Variants in MET observed in about 807,000 individuals in gnomAD.
MET encodes the protein hepatocyte growth factor receptor.
A neutral mutation model predicts 133.1 loss-of-function variants in MET; 48 were observed. The ratio of observed to expected loss-of-function variants is 0.36; its 90% CI spans 0.29 to 0.46. MET has a LOEUF of 0.46. Ranked by LOEUF, MET falls within the 20% of genes least tolerant of loss-of-function variation. The pLI is 1.00. For missense variants in MET, 1,442 were observed against 1,695.9 expected (o/e 0.85, Z 2.63); for synonymous variants, 628 against 616.5 (o/e 1.02, Z -0.28).
intron 5 of MET, among the ~76,000 whole-genome samples, chr7:116,751,676 A>G (rs1280621026): frequency 1.3e-5 from 2 of 152,152 alleles, no homozygotes; most frequent in Non-Finnish European, 2.9e-5. Context: ...CTGATCTCAT[A>G]CTTAAAGAGC....
At chr7:116,730,598 A>T (rs1792965926) in intron 2 of MET, among the ~76,000 whole-genome samples, 1 of 152,186 alleles carries the variant, frequency 6.6e-6, no homozygotes, top group Non-Finnish European at 1.5e-5. Context: ...AAGGGCATGA[A>T]GGAGAAGACT....
intron 1 of MET, among the ~76,000 whole-genome samples, chr7:116,674,203 C>T (rs1216682962): frequency 2.0e-5 from 3 of 152,114 alleles, no homozygotes; most frequent in Non-Finnish European, 4.4e-5. Flanking sequence ...TAGATGTATA[C>T]TACATGCTTT....
chr7:116,770,646 G>GAT (rs1794803296), intron 12 of MET, among the ~76,000 whole-genome samples: 1 of 152,038 alleles, frequency 6.6e-6, no homozygotes, highest in Non-Finnish European at 1.5e-5. Flanking sequence ...GCCTATTCTA[G>GAT]ATATTTCATG....
At chr7:116,766,062 C>G (rs908886592) in intron 11 of MET, among the ~76,000 whole-genome samples, 1 of 152,090 alleles carries the variant, frequency 6.6e-6, no homozygotes, top group Non-Finnish European at 1.5e-5. Flanking sequence ...CTATGCAGTT[C>G]TTTAGAGGGA....
intron 15 of MET, 80 bp downstream of exon 15, chr7:116,775,191 T>A (rs2117033100): frequency 1.5e-6 from 2 of 1,336,912 alleles, no homozygotes; most frequent in Admixed American, 1.8e-5. Context: ...GATTAGGAAC[T>A]TAGACAATGG....
chr7:116,743,975 G>A (rs988327106), intron 5 of MET, among the ~76,000 whole-genome samples: 11 of 152,136 alleles, frequency 7.2e-5, no homozygotes, highest in African/African-American at 2.7e-4. Context: ...CTAACAAACA[G>A]AAAGCAATAG....
intron 1 of MET, among the ~76,000 whole-genome samples, chr7:116,675,930 A>G (rs1796144398): frequency 6.6e-6 from 1 of 152,162 alleles, no homozygotes; most frequent in African/African-American, 2.4e-5. Flanking sequence ...ATATCTTTTC[A>G]GCTGTGTTAA....
In MET at chr7:116,774,882, T is replaced by A. The variant is rs565938550; in HGVS notation, c.3030T>A (p.Asp1010Glu). 5.0e-6 allele frequency: 8 copies of A among 1,613,336 alleles called. No homozygotes were observed. The highest frequency in any genetic ancestry group is 6.8e-6 in the Non-Finnish European group (8 of 1,179,468). ...SVDYRATFPE[D>E]QFPNSSQNGS... ...TAATAATTTTCCTTCATCTTACAGATCAGTTTCCTAATTCATCTCAGAACG... is the reference window on the plus strand; with the variant it reads ...TAATAATTTTCCTTCATCTTACAGAACAGTTTCCTAATTCATCTCAGAACG... The change falls in exon 15 of 21, where the codon GAT (aspartate) becomes GAA (glutamate). Residue 1010 changes from aspartate (D) to glutamate (E), a missense_variant and splice_region_variant. By Grantham distance (45) the Asp-to-Glu change is conservative. Transcript: ENST00000397752.
At chr7:116,696,826 T>C (rs2237708) in intron 1 of MET, among the ~76,000 whole-genome samples, 36,702 of 152,148 alleles carry the variant, frequency 0.24, 4,520 homozygotes, top group East Asian at 0.34. Flanking sequence ...AGTGCAGCAG[T>C]GGCAAATACC....
intron 2 of MET, among the ~76,000 whole-genome samples, chr7:116,725,131 G>A (rs1374480042): frequency 4.6e-5 from 7 of 152,066 alleles, no homozygotes; most frequent in Non-Finnish European, 1.0e-4. Flanking sequence ...AGGAATATAG[G>A]ATTCAAAATC....
chr7:116,724,980 C>T (rs1792684067), intron 2 of MET: 1 of 712,248 alleles, frequency 1.4e-6, no homozygotes, highest in Non-Finnish European at 2.0e-6. Flanking sequence ...TAAGGTCATG[C>T]AACTCATCAA....
chr7:116,775,169 T>G, intron 15 of MET, 58 bp downstream of exon 15: 1 of 1,547,758 alleles, frequency 6.5e-7, no homozygotes, highest in Admixed American at 1.7e-5. Flanking sequence ...CATTTTATCT[T>G]TGGCCTTTGC....
chr7:116,686,101 G>A (rs181017470), intron 1 of MET, among the ~76,000 whole-genome samples: 1 of 151,990 alleles, frequency 6.6e-6, no homozygotes, highest in African/African-American at 2.4e-5. Context: ...CCATATGATC[G>A]AGGTGAATAC....
chr7:116,763,309 A>G, intron 11 of MET, 41 bp downstream of exon 11: 1 of 1,549,118 alleles, frequency 6.5e-7, no homozygotes, highest in Non-Finnish European at 8.9e-7. Context: ...CATCAGCTCA[A>G]ACTTAATTGA....
chr7:116,724,837 C>G, intron 2 of MET: 2 of 1,289,218 alleles, frequency 1.6e-6, no homozygotes. Context: ...AGTCCTAGCC[C>G]TGCACTGAAG....
In MET at chr7:116,707,213, C is replaced by T. The variant is rs181001374; in HGVS notation, c.1200+6929C>T. Among the ~76,000 whole-genome samples the T allele has an allele frequency of 1.7e-3, 257 of 151,778 alleles. 2 individuals are homozygous for T. The highest frequency in any genetic ancestry group is 5.9e-3 in the African/African-American group (245 of 41,400). On this transcript the variant is annotated intron_variant, in intron 2 of 20. Coordinates refer to ENST00000397752, the MANE Select transcript of MET (RefSeq NM_000245.4). ...CTAGCAATTGCATGCTAATTTAGAC[C>T]AAAGCTTTGTTTTAACCATTCTTGG... is the stretch of plus-strand genomic sequence containing the variant.
intron 19 of MET, among the ~76,000 whole-genome samples, chr7:116,789,525 T>C (rs1223610189): frequency 6.6e-6 from 1 of 152,210 alleles, no homozygotes; most frequent in East Asian, 1.9e-4. Context: ...AGTTCTATCA[T>C]CTCAGAAAAT....
intron 19 of MET, among the ~76,000 whole-genome samples, chr7:116,792,456 GAC>G (rs56212730): frequency 0.066 from 5,332 of 80,576 alleles, 167 homozygotes; most frequent in Non-Finnish European, 0.073. Context: ...TCAACCGACA[GAC>G]ACACACACAC....
intron 2 of MET, among the ~76,000 whole-genome samples, chr7:116,729,694 T>C (rs1253990061): frequency 1.3e-5 from 2 of 152,210 alleles, no homozygotes; most frequent in African/African-American, 4.8e-5. Context: ...CCCCATCGTC[T>C]ACCCCAGATT....
Sources: allele counts gnomAD v4.1 joint callset (sites outside exome capture counted in the v4.1 genomes callset), GRCh38; gene constraint gnomAD v4.1.1; transcripts MANE v1.5; gene names NCBI Gene and HGNC (gene_info 2026-07-23, HGNC 2026-07-21).